PTGIS: variants seen among roughly 807,000 people sequenced by gnomAD.
PTGIS encodes the protein prostacyclin synthase.
Under a neutral mutation model 50.3 loss-of-function variants are expected in PTGIS, and 45 were observed. That is an observed-to-expected ratio of 0.90 (90% confidence interval 0.70 to 1.15). The LOEUF is 1.15. Ranked by LOEUF, PTGIS falls within the 50% of genes most tolerant of loss-of-function variation. PTGIS has a pLI of 0.00. For synonymous variants in PTGIS, 260 were observed against 267.7 expected, an observed-to-expected ratio of 0.97 and a Z score of 0.28; for missense variants, 668 against 661.3, an observed-to-expected ratio of 1.01 and a Z score of -0.11.
intron 1 of PTGIS, among the ~76,000 whole-genome samples, chr20:49,557,904 C>T (rs1443680085): frequency 2.0e-5 from 3 of 152,116 alleles, no homozygotes. Flanking sequence ...TACAGCCCAC[C>T]TTTCCCCCGC....
intron 1 of PTGIS, among the ~76,000 whole-genome samples, chr20:49,563,324 A>G (rs1982822136): frequency 1.3e-5 from 2 of 152,178 alleles, no homozygotes; most frequent in South Asian, 4.1e-4. Flanking sequence ...ATGCTCTTCC[A>G]TACCTGCCCC....
chr20:49,547,154 C>T (rs1183503818), intron 3 of PTGIS, among the ~76,000 whole-genome samples: 1 of 152,204 alleles, frequency 6.6e-6, no homozygotes, highest in Admixed American at 6.5e-5. Flanking sequence ...ATCGCCTGAA[C>T]CCGGGAGGCG....
chr20:49,550,233 A>G, intron 1 of PTGIS, 44 bp from the exon 2 acceptor site: 1 of 1,604,434 alleles, frequency 6.2e-7, no homozygotes, highest in Non-Finnish European at 8.5e-7. Context: ...AAGGCAAGGA[A>G]GGGCATAAAG....
rs545622252 is a variant in PTGIS at position 49,540,308 on chromosome 20, G to A, written c.522-587C>T. 8.7e-4 allele frequency among the ~76,000 whole-genome samples: 133 copies of A among 152,280 alleles called. No individual in the cohort carries two copies. The highest frequency in any genetic ancestry group is 3.2e-3 in the African/African-American group (131 of 41,558). On this transcript the variant is annotated intron_variant, in intron 4 of 9. Transcript: ENST00000244043. The surrounding 1 kb of genome is among the most constrained non-coding windows in gnomAD (Gnocchi z 4.8). ...TTCAGGGAAGACTTCCTAGAGAAGG[G>A]AGGGTCTGAGCTGAGATCTGCAGGA...
intron 1 of PTGIS, among the ~76,000 whole-genome samples, chr20:49,565,148 AT>A (rs60427465): frequency 0.87 from 127,749 of 146,144 alleles, 55,803 homozygotes; most frequent in East Asian, 0.99. Context: ...TTTTTTTTGT[AT>A]TTTTTTTTTT....
chr20:49,556,802 T>C (rs549730102), intron 1 of PTGIS, among the ~76,000 whole-genome samples: 6 of 152,168 alleles, frequency 3.9e-5, no homozygotes, highest in Non-Finnish European at 8.8e-5. Flanking sequence ...TTTCCACAAT[T>C]TGGACTGAAT....
At chr20:49,526,978 C>G (rs573963774) in intron 5 of PTGIS, among the ~76,000 whole-genome samples, 6 of 152,088 alleles carry the variant, frequency 3.9e-5, no homozygotes, top group Non-Finnish European at 7.4e-5. Flanking sequence ...AGGTATATAG[C>G]CCAAAGAACT....
Position 49,513,222 on chromosome 20 carries a change from G to C in PTGIS, c.1064C>G (p.Pro355Arg), listed in dbSNP as rs767323052. ...LSESLRLTAA[P>R]FITREVVVDL... is the part of the protein sequence containing the mutation. ...CACCACAACCTCGCGGGTGATGAAG[G>C]GGGCAGCTGTAAGCCTGAGGCTCTC... Residue 355 changes from proline to arginine, a missense_variant, in exon 8 of 10, where the codon CCC becomes CGC. By Grantham distance (103) the Pro-to-Arg change is moderately radical. Transcript: ENST00000244043. 1.5e-5 allele frequency: 24 copies of C among 1,613,990 alleles called. No individual in the cohort carries two copies. The highest frequency in any genetic ancestry group is 8.9e-5 in the East Asian group (4 of 44,886).
Position 49,524,046 on chromosome 20 carries a change from A to G in PTGIS, c.855+12T>C, listed in dbSNP as rs1219422350. 6.2e-7 allele frequency: 1 copy of G among 1,614,046 alleles called. No individual in the cohort carries two copies. Among genetic ancestry groups the G allele is most frequent in the East Asian group, 2.2e-5 (1 of 44,900 alleles). On this transcript the variant is annotated intron_variant, in intron 6 of 9. Transcript: ENST00000244043. ...CACACCTGCACACACCCACTTGCAC[A>G]TTCACACCCACCTGTGTGGCCCACA...
chr20:49,508,109 A>C, intron 9 of PTGIS, 45 bp from the exon 10 acceptor site: 1 of 1,609,716 alleles, frequency 6.2e-7, no homozygotes, highest in Non-Finnish European at 8.5e-7. Flanking sequence ...GGAGTAGGGC[A>C]GGGGGTTATC....
rs5630 is a variant in PTGIS at position 49,511,147 on chromosome 20, G to C, written c.1239C>G (p.Asp413Glu). ...TGTAAAAGTCTTTCTTCTCTGATCCGTCAGGGTTCAGGAATCGGTTGTATT... is the reference window on the plus strand; with the variant it reads ...TGTAAAAGTCTTTCTTCTCTGATCCCTCAGGGTTCAGGAATCGGTTGTATT... ...VFKYNRFLNP[D>E]GSEKKDFYKD... Residue 413 changes from aspartate (D) to glutamate (E), a missense_variant, in exon 9 of 10, where the codon GAC becomes GAG. Transcript: ENST00000244043. 2 of 1,614,136 alleles carry C rather than the reference G, an allele frequency of 1.2e-6. No homozygotes were observed. Among genetic ancestry groups the C allele is most frequent in the African/African-American group, 1.3e-5 (1 of 75,026 alleles).
intron 6 of PTGIS, among the ~76,000 whole-genome samples, chr20:49,516,043 G>GTTT (rs10596062): frequency 7.1e-6 from 1 of 141,120 alleles, no homozygotes; most frequent in South Asian, 2.3e-4. Context: ...ACCCAGCTAG[G>GTTT]TTTTTTTTTT....
At chr20:49,562,482 G>T (rs1316689902) in intron 1 of PTGIS, among the ~76,000 whole-genome samples, 1 of 152,238 alleles carries the variant, frequency 6.6e-6, no homozygotes, top group Admixed American at 6.5e-5. Flanking sequence ...TCAGGCCGTG[G>T]TCACATTCCA....
At chr20:49,550,363 C>T (rs1331235178) in intron 1 of PTGIS, among the ~76,000 whole-genome samples, 174 bp from the exon 2 acceptor site, 1 of 152,180 alleles carries the variant, frequency 6.6e-6, no homozygotes, top group African/African-American at 2.4e-5. Context: ...TGACCACACC[C>T]TCCCTCTTTC....
intron 1 of PTGIS, among the ~76,000 whole-genome samples, chr20:49,564,112 T>G (rs371483355): frequency 1.3e-5 from 2 of 152,280 alleles, no homozygotes; most frequent in African/African-American, 4.8e-5. Context: ...AAATTCTTGC[T>G]GTAATTGCAG....
At chr20:49,525,846 C>T (rs1321820579) in intron 5 of PTGIS, among the ~76,000 whole-genome samples, 8 of 151,984 alleles carry the variant, frequency 5.3e-5, no homozygotes, top group Middle Eastern at 3.2e-3. Flanking sequence ...GCCCCACCAG[C>T]GATTCTAAAC....
chr20:49,551,840 G>T (rs1026337519), intron 1 of PTGIS, among the ~76,000 whole-genome samples: 3 of 144,282 alleles, frequency 2.1e-5, no homozygotes, highest in Non-Finnish European at 3.0e-5. Flanking sequence ...GTGTGTGTGT[G>T]TGTGTATGCC....
chr20:49,518,196 A>T (rs1981544672), intron 6 of PTGIS, among the ~76,000 whole-genome samples: 1 of 152,248 alleles, frequency 6.6e-6, no homozygotes, highest in African/African-American at 2.4e-5. Context: ...TTCCAACGGA[A>T]TAAAAGAATA....
At position 49,525,905 on chromosome 20, in the gene PTGIS, GT is replaced by G. The variant is rs372743918; in HGVS notation, c.674-1667del. ...TGAAAGGGTCGAAAATGTAGACTAT[GT>G]TTTTTTTTTAAAGTATGTTGGCTTC... On this transcript the variant is annotated intron_variant, in intron 5 of 9. Transcript: ENST00000244043. 7.7e-3 allele frequency among the ~76,000 whole-genome samples: 1,149 copies of G among 149,246 alleles called. 13 individuals carry two copies. The highest frequency in any genetic ancestry group is 0.021 in the African/African-American group (870 of 40,710).
Sources: gnomAD v4.1 joint callset for allele counts (sites outside exome capture counted in the v4.1 genomes callset) on GRCh38, gnomAD v4.1.1 for gene constraint, Gnocchi (gnomAD v3.1) non-coding constraint, MANE v1.5 for transcripts, NCBI Gene and HGNC (gene_info 2026-07-23, HGNC 2026-07-21) for gene names.